Variants in ITGA11 observed in about 807,000 individuals in gnomAD.
The protein encoded by ITGA11 is integrin subunit alpha 11, also known as integrin alpha-11.
A neutral mutation model predicts 141.9 loss-of-function variants in ITGA11; 97 were observed. That is an observed-to-expected ratio of 0.68 (90% CI 0.58 to 0.81). The LOEUF (loss-of-function observed/expected upper bound fraction) is 0.81, where lower values mean the gene tolerates loss of function less well. Among genes scored for constraint, ITGA11 ranks in the 30% least tolerant of loss-of-function variants. The probability of loss-of-function intolerance (pLI) is 0.00; values close to 1 mark genes in which losing one functional copy is unlikely to be tolerated. For missense variants in ITGA11, 1,387 were observed against 1,559.2 expected (o/e 0.89, Z 1.86); for synonymous variants, 658 against 624.6 (o/e 1.05, Z -0.80).
intron 2 of ITGA11, among the ~76,000 whole-genome samples, chr15:68,376,137 C>T (rs777043902): frequency 7.9e-5 from 12 of 152,160 alleles, no homozygotes; most frequent in Non-Finnish European, 1.5e-4. Flanking sequence ...TGGCGACTCT[C>T]ACTGGGCTCA....
chr15:68,376,145 T>C (rs1268529212), intron 2 of ITGA11, among the ~76,000 whole-genome samples: 1 of 152,036 alleles, frequency 6.6e-6, no homozygotes, highest in Non-Finnish European at 1.5e-5. Flanking sequence ...CTCACTGGGC[T>C]CAAAGCCCCA....
At chr15:68,350,308 C>T (rs1030149006) in intron 9 of ITGA11, among the ~76,000 whole-genome samples, 2 of 152,078 alleles carry the variant, frequency 1.3e-5, no homozygotes, top group South Asian at 4.2e-4. Context: ...CCTCAGCTTC[C>T]TAAGTAGCTA....
intron 7 of ITGA11, among the ~76,000 whole-genome samples, chr15:68,355,096 G>A (rs188180306): frequency 6.6e-6 from 1 of 152,294 alleles, no homozygotes; most frequent in East Asian, 1.9e-4. Flanking sequence ...TCCAAACAGT[G>A]GGCTTTATCC....
intron 2 of ITGA11, among the ~76,000 whole-genome samples, chr15:68,377,747 A>G (rs1895763970): frequency 6.6e-6 from 1 of 152,196 alleles, no homozygotes; most frequent in African/African-American, 2.4e-5. Context: ...TTGTATGTGG[A>G]CATATTTCTG....
chr15:68,335,668 A>G lies in ITGA11; in HGVS notation c.1425+29T>C, dbSNP rs2140309396. ...GTCTGATCTGCCCCCTCTTCCCTCCATCCCGGCCCCAGGCTCCCCCTCCAT... is the reference window on the plus strand; with the variant it reads ...GTCTGATCTGCCCCCTCTTCCCTCCGTCCCGGCCCCAGGCTCCCCCTCCAT... On this transcript the variant is annotated intron_variant, in intron 12 of 29. Transcript: ENST00000315757. The surrounding 1 kb of genome is among the most constrained non-coding windows in gnomAD (Gnocchi z 4.9). 3 of 1,610,836 alleles carry G rather than the reference A, an allele frequency of 1.9e-6. No homozygotes were observed. Among genetic ancestry groups the G allele is most frequent in the Non-Finnish European group, 2.5e-6 (3 of 1,178,482 alleles).
intron 12 of ITGA11, among the ~76,000 whole-genome samples, chr15:68,332,904 G>A (rs138176177): frequency 9.2e-5 from 14 of 152,198 alleles, no homozygotes; most frequent in African/African-American, 3.4e-4. Context: ...GTAGGTGTGT[G>A]TATATATGCT....
intron 10 of ITGA11, among the ~76,000 whole-genome samples, chr15:68,342,312 C>T (rs1894596366): frequency 6.6e-6 from 1 of 152,202 alleles, no homozygotes; most frequent in African/African-American, 2.4e-5. Flanking sequence ...CTATGTGGGG[C>T]CACCTGGGCT....
At chr15:68,351,202 T>C (rs1418913742) in intron 8 of ITGA11, 56 bp downstream of exon 8, 6 of 1,596,452 alleles carry the variant, frequency 3.8e-6, no homozygotes, top group Admixed American at 1.7e-5. Flanking sequence ...CCCCAGGGAT[T>C]TGATGGTAAA....
intron 2 of ITGA11, among the ~76,000 whole-genome samples, chr15:68,381,513 G>T (rs1172467705): frequency 6.6e-6 from 1 of 151,978 alleles, no homozygotes; most frequent in Non-Finnish European, 1.5e-5. Flanking sequence ...AGGTATCCCT[G>T]ACTTTGACCT....
chr15:68,360,965 G>A (rs1386621594), intron 5 of ITGA11, among the ~76,000 whole-genome samples: 1 of 152,140 alleles, frequency 6.6e-6, no homozygotes, highest in Admixed American at 6.5e-5. Flanking sequence ...GGTATTTAGT[G>A]CAGAGGAAAT....
chr15:68,351,265 G>A lies in ITGA11; in HGVS notation c.887C>T (p.Ala296Val), dbSNP rs775977138. Residue 296 changes from alanine (A) to valine (V), a missense_variant, in exon 8 of 30, where the codon GCG (alanine) becomes GTG (valine). By Grantham distance (64) the Ala-to-Val change is moderately conservative. Transcript: ENST00000315757. ...GGGCGGGCCAGGACTTACGGCCACC[G>A]CATATCTTGTTACGTTGTCTCTTTC... The part of the protein sequence containing the change: ...QSERDNVTRY[A>V]VAVLGYYNRR... The A allele has an allele frequency of 2.9e-5, 47 of 1,613,766 alleles. 1 individual carries two copies. Among genetic ancestry groups the A allele is most frequent in the Admixed American group, 6.7e-5 (4 of 60,000 alleles).
rs553338860 is a variant in ITGA11, at chr15:68,432,129, G to A, written c.-63C>T. The A allele has an allele frequency of 2.4e-6, 3 of 1,248,474 alleles. No individual in the cohort carries two copies. The South Asian group carries it at 7.6e-5, about 32-fold the overall frequency. 77.3% of individuals were successfully genotyped at this position (1,248,474 alleles called of 1,614,324 possible). A position where few individuals can be genotyped will look rare whatever the true frequency, so the allele number is the denominator to read the frequency against. Reference sequence around the variant, plus strand: ...CGGCGGGGGGCGGCAAGCCAGAGCGGCAGCCTCCTCGGCGCGGCGCCTGCA... The same window carrying A: ...CGGCGGGGGGCGGCAAGCCAGAGCGACAGCCTCCTCGGCGCGGCGCCTGCA... On this transcript the variant is annotated 5_prime_UTR_variant, in exon 1 of 30. Coordinates refer to ENST00000315757, the MANE Select transcript of ITGA11 (RefSeq NM_001004439.2).
chr15:68,381,079 A>G (rs569459828), intron 2 of ITGA11, among the ~76,000 whole-genome samples: 2 of 152,266 alleles, frequency 1.3e-5, no homozygotes, highest in Admixed American at 6.5e-5. Context: ...GAGTTAACCT[A>G]TGGATCCATG....
At chr15:68,400,232 C>T (rs991835024) in intron 2 of ITGA11, among the ~76,000 whole-genome samples, 1 of 151,908 alleles carries the variant, frequency 6.6e-6, no homozygotes, top group Non-Finnish European at 1.5e-5. Flanking sequence ...AAACAAAAAC[C>T]TCTGACCTTT....
chr15:68,306,027 A>G (rs1018137783), intron 28 of ITGA11, among the ~76,000 whole-genome samples: 1 of 151,362 alleles, frequency 6.6e-6, no homozygotes, highest in Non-Finnish European at 1.5e-5. Flanking sequence ...TCTACTAAAA[A>G]AAAAAAAAAA....
chr15:68,350,923 GC>G (rs1054014172), intron 8 of ITGA11, 141 bp from the exon 9 acceptor site: 1 of 824,598 alleles, frequency 1.2e-6, no homozygotes, highest in African/African-American at 1.7e-5. Flanking sequence ...AATGCCATTT[GC>G]ATTTGGAATG....
rs1262279308 is a variant in ITGA11 at position 68,339,604 on chromosome 15, T to C, written c.1172A>G (p.Asn391Ser). 6.2e-7 allele frequency: 1 copy of C among 1,614,004 alleles called. No homozygotes were observed. Among genetic ancestry groups the C allele is most frequent in the Admixed American group, 1.7e-5 (1 of 60,024 alleles). Residue 391 changes from asparagine to serine, a missense_variant, in exon 11 of 30, where the codon AAT (asparagine) becomes AGT (serine). Coordinates refer to ENST00000315757, the MANE Select transcript of ITGA11 (RefSeq NM_001004439.2). ...ACTCGTCTCCTTTAGCACAGCTCCA[T>C]TCCAGTCATAGGCACCGACGGCTCC... ...LLGAVGAYDW[N>S]GAVLKETSAG...
intron 10 of ITGA11, among the ~76,000 whole-genome samples, chr15:68,343,225 C>T (rs1894629789): frequency 2.0e-5 from 3 of 152,128 alleles, no homozygotes; most frequent in Non-Finnish European, 4.4e-5. Flanking sequence ...TCACGTTCGT[C>T]ATTGCGGTAG....
At position 68,402,947 on chromosome 15, in the gene ITGA11, C is replaced by T. The variant is rs1345444318; in HGVS notation, c.135G>A (p.Val45=). Reference sequence around the variant, plus strand: ...TATTGCCACTGATGTCGTGCTGCTGCACTGTGTAGCCAAAGAAGGCGGTCC... The same window carrying T: ...TATTGCCACTGATGTCGTGCTGCTGTACTGTGTAGCCAAAGAAGGCGGTCC... ...GSRTAFFGYT[V]QQHDISGNKW... is the part of the protein sequence containing the mutation. The change falls in exon 2 of 30, where the codon GTG becomes GTA. Residue 45 remains valine (V), a synonymous_variant. Coordinates refer to ENST00000315757, the MANE Select transcript of ITGA11 (RefSeq NM_001004439.2). 6.2e-7 allele frequency: 1 copy of T among 1,613,690 alleles called. No homozygotes were observed. Among genetic ancestry groups the T allele is most frequent in the Admixed American group, 1.7e-5 (1 of 60,000 alleles).
Sources: gnomAD v4.1 joint callset for allele counts (sites outside exome capture counted in the v4.1 genomes callset) on GRCh38, gnomAD v4.1.1 for gene constraint, Gnocchi (gnomAD v3.1) non-coding constraint, MANE v1.5 for transcripts, NCBI Gene and HGNC (gene_info 2026-07-23, HGNC 2026-07-21) for gene names.